Variants in BMP7 observed in about 807,000 individuals in gnomAD.
BMP7 encodes osteogenic protein 1.
In BMP7, 12 loss-of-function variants were observed where a neutral mutation model predicts 41.2. The observed-to-expected ratio is 0.29, with a 90% CI of 0.19 to 0.47. The LOEUF (loss-of-function observed/expected upper bound fraction) is 0.47, where lower values mean the gene tolerates loss of function less well. BMP7 is among the 20% of genes least tolerant of loss of function. The pLI is 0.99. For missense variants in BMP7, 467 were observed against 606.0 expected, an observed-to-expected ratio of 0.77 and a Z score of 2.41; for synonymous variants, 248 against 250.0, an observed-to-expected ratio of 0.99 and a Z score of 0.07.
At chr20:57,234,367 T>C (rs1007946618) in intron 1 of BMP7, among the ~76,000 whole-genome samples, 2 of 152,200 alleles carry the variant, frequency 1.3e-5, no homozygotes, top group African/African-American at 4.8e-5. Context: ...CAGGGAAGGC[T>C]GGTCTGTGAG....
intron 1 of BMP7, among the ~76,000 whole-genome samples, chr20:57,256,083 T>C (rs1210189165): frequency 6.6e-6 from 1 of 152,174 alleles, no homozygotes; most frequent in Non-Finnish European, 1.5e-5. Flanking sequence ...GAGATGTTAT[T>C]GTTGTTGAAC....
At chr20:57,240,456 T>C (rs1181890487) in intron 1 of BMP7, among the ~76,000 whole-genome samples, 2 of 152,222 alleles carry the variant, frequency 1.3e-5, no homozygotes, top group African/African-American at 4.8e-5. Context: ...CTTTTCCACA[T>C]TTTCCTATCT....
rs773367826 is a variant in BMP7 at position 57,176,749 on chromosome 20, T to TACACAC, written c.959-1743_959-1742insGTGTGT. On this transcript the variant is annotated intron_variant, in intron 4 of 6. Transcript: ENST00000395863. The stretch of plus-strand genomic sequence containing the variant: ...AATTTGAAACTACGCACATTCTCCA[T>TACACAC]TCACACACACACACACACACACACA... Among the ~76,000 whole-genome samples, 165 of 28,174 alleles carry TACACAC rather than the reference T, an allele frequency of 5.9e-3. 1 individual carries two copies. The highest frequency in any genetic ancestry group is 0.033 in the Middle Eastern group (1 of 30). 18.5% of individuals were successfully genotyped at this position (28,174 alleles called of 152,430 possible).
intron 2 of BMP7, among the ~76,000 whole-genome samples, chr20:57,219,211 G>A (rs906620907): frequency 3.5e-5 from 5 of 143,258 alleles, no homozygotes; most frequent in South Asian, 4.2e-4. Context: ...GTGTTTGTTC[G>A]GTGGTAGGTG....
At position 57,215,171 on chromosome 20, in the gene BMP7, G is replaced by A. The variant is rs2123103960; in HGVS notation, c.612-12548C>T. On this transcript the variant is annotated intron_variant, in intron 2 of 6. Transcript: ENST00000395863. This position sits in a 1 kb window ranked among gnomAD's most constrained non-coding sequence, Gnocchi z 4.2. Reference sequence around the variant, plus strand: ...GAAGGGAAACCCTCATCAGCCCCTGGGCACCTCCATACCCCCCACCTTCAC... The same window carrying A: ...GAAGGGAAACCCTCATCAGCCCCTGAGCACCTCCATACCCCCCACCTTCAC... Among the ~76,000 whole-genome samples the A allele has an allele frequency of 6.6e-6, 1 of 152,240 alleles. No individual in the cohort carries two copies. Among genetic ancestry groups the A allele is most frequent in the South Asian group, 2.1e-4 (1 of 4,822 alleles).
At chr20:57,209,090 G>T (rs907780059) in intron 2 of BMP7, among the ~76,000 whole-genome samples, 1 of 151,790 alleles carries the variant, frequency 6.6e-6, no homozygotes, top group South Asian at 2.1e-4. Context: ...AGGCTGAGGC[G>T]TGTGGATCAC....
intron 3 of BMP7, among the ~76,000 whole-genome samples, chr20:57,189,577 C>G (rs1203554006): frequency 6.6e-6 from 1 of 152,226 alleles, no homozygotes; most frequent in Non-Finnish European, 1.5e-5. Flanking sequence ...TTTCATATCA[C>G]TCTGCCCTTT....
intron 2 of BMP7, 83 bp from the exon 3 acceptor site, chr20:57,202,706 A>AAT: frequency 3.9e-6 from 2 of 510,632 alleles, no homozygotes; most frequent in Non-Finnish European, 7.5e-6. Flanking sequence ...GCAGAGCCTC[A>AAT]TGGGGTGGGA....
At chr20:57,202,723 GGAAA>G in intron 2 of BMP7, 100 bp from the exon 3 acceptor site, 1 of 1,156,528 alleles carries the variant, frequency 8.6e-7, no homozygotes. Context: ...GGGAGGGGAG[GGAAA>G]GAGTCCACTG....
At chr20:57,231,116 A>G (rs1308855391) in intron 1 of BMP7, among the ~76,000 whole-genome samples, 1 of 152,178 alleles carries the variant, frequency 6.6e-6, no homozygotes, top group Non-Finnish European at 1.5e-5. Flanking sequence ...TTCTCAAACT[A>G]TAGGTTAGCT....
intron 1 of BMP7, among the ~76,000 whole-genome samples, chr20:57,229,665 T>C (rs2066021420): frequency 6.6e-6 from 1 of 152,310 alleles, no homozygotes; most frequent in Middle Eastern, 3.4e-3. Context: ...CTCCACTTCC[T>C]GTCTGGGGGT....
chr20:57,175,565 C>T (rs1243726152), intron 4 of BMP7, among the ~76,000 whole-genome samples: 2 of 152,192 alleles, frequency 1.3e-5, no homozygotes, highest in African/African-American at 4.8e-5. Flanking sequence ...GAAAACACTC[C>T]CGAGGTTTCT....
chr20:57,170,279 T>A lies in BMP7; in HGVS notation c.*680A>T, dbSNP rs974329625. ...TCCAAAGATCAACACACCGCCCTCCTCGGAGCAGACATTTGCTCTTTCCCC... is the reference window on the plus strand; with the variant it reads ...TCCAAAGATCAACACACCGCCCTCCACGGAGCAGACATTTGCTCTTTCCCC... On this transcript the variant is annotated 3_prime_UTR_variant, in exon 7 of 7. Transcript: ENST00000395863. 6.3e-6 allele frequency: 1 copy of A among 157,718 alleles called. No homozygotes were observed. The highest frequency in any genetic ancestry group is 1.4e-5 in the Non-Finnish European group (1 of 71,262). 9.8% of individuals were successfully genotyped at this position (157,718 alleles called of 1,614,324 possible). A position where few individuals can be genotyped will look rare whatever the true frequency, so the allele number is the denominator to read the frequency against.
intron 1 of BMP7, among the ~76,000 whole-genome samples, chr20:57,246,805 A>G (rs530008443): frequency 6.6e-6 from 1 of 152,280 alleles, no homozygotes; most frequent in Non-Finnish European, 1.5e-5. Flanking sequence ...CCTGGTCAAC[A>G]CGGTGAAACT....
In BMP7 at chr20:57,251,230, G is replaced by A. The variant is rs138103701; in HGVS notation, c.418+14475C>T. ...ACATGGGATCTTCACAGCAGCCCAG[G>A]AGACAGGCACCCACATTAACCCCAG... On this transcript the variant is annotated intron_variant, in intron 1 of 6. Coordinates refer to ENST00000395863, the MANE Select transcript of BMP7 (RefSeq NM_001719.3). Among the ~76,000 whole-genome samples the A allele has an allele frequency of 5.9e-5, 9 of 152,306 alleles. No homozygotes were observed. The East Asian group carries it at 1.7e-3, about 29-fold the overall frequency.
rs559180471 is a variant in BMP7 at position 57,200,554 on chromosome 20, C to T, written c.760+1921G>A. ...AAATCACCTGAGCCAGCAGAACAGG[C>T]AAGACAGAGAAGCACAGAACCCACT... On this transcript the variant is annotated intron_variant, in intron 3 of 6. Transcript: ENST00000395863. Among the ~76,000 whole-genome samples the T allele has an allele frequency of 2.0e-5, 3 of 152,284 alleles. No homozygotes were observed. In the East Asian group the frequency reaches 5.8e-4, roughly 29 times the overall value.
intron 2 of BMP7, among the ~76,000 whole-genome samples, chr20:57,209,252 TATATATATATA>T (rs1984820658): frequency 3.2e-5 from 2 of 62,996 alleles, no homozygotes; most frequent in African/African-American, 1.8e-4. Flanking sequence ...TATATTTTTA[TATATATATATA>T]TATATATATA....
intron 4 of BMP7, among the ~76,000 whole-genome samples, chr20:57,179,935 G>T (rs2123063245): frequency 6.6e-6 from 1 of 152,238 alleles, no homozygotes; most frequent in African/African-American, 2.4e-5. Context: ...GGGCTTTGAT[G>T]AGGAGGCGGT....
chr20:57,172,269 C>A lies in BMP7; in HGVS notation c.1146+931G>T, dbSNP rs192335194. 2.6e-5 allele frequency among the ~76,000 whole-genome samples: 4 copies of A among 152,058 alleles called. No individual in the cohort carries two copies. The East Asian group carries it at 7.7e-4, about 29-fold the overall frequency. On this transcript the variant is annotated intron_variant, in intron 6 of 6. Coordinates refer to ENST00000395863, the MANE Select transcript of BMP7 (RefSeq NM_001719.3). ...GTTTCCAGCCTAAGGACCTTCAATC[C>A]CAAGTAGGGCTTTGAAGTTTACAAT...
Sources: allele counts gnomAD v4.1 joint callset (sites outside exome capture counted in the v4.1 genomes callset), GRCh38; gene constraint gnomAD v4.1.1; non-coding constraint Gnocchi (gnomAD v3.1); transcripts MANE v1.5; gene names NCBI Gene and HGNC (gene_info 2026-07-23, HGNC 2026-07-21).